The following NRXN1 variants were observed in gnomAD, a reference collection of about 807,000 sequenced individuals.
NRXN1 encodes neurexin-1.
A neutral mutation model predicts 150.9 loss-of-function variants in NRXN1; 39 were observed. The ratio of observed to expected loss-of-function variants is 0.26; its 90% CI spans 0.20 to 0.34. The LOEUF is 0.34. Ranked by LOEUF, NRXN1 falls within the 10% of genes least tolerant of loss-of-function variation. The probability of loss-of-function intolerance (pLI) is 1.00; values close to 1 mark genes in which losing one functional copy is unlikely to be tolerated. For synonymous variants in NRXN1, 924 were observed against 757.0 expected (o/e 1.22, Z -3.62); for missense variants, 1,815 against 1,949.9 (o/e 0.93, Z 1.30).
At chr2:50,632,888 G>A (rs1233083231) in intron 5 of NRXN1, 1 of 151,984 alleles carries the variant, frequency 6.6e-6, no homozygotes, top group African/African-American at 2.4e-5. Flanking sequence ...ATGTACTCCA[G>A]CAGAGAGTCC....
intron 5 of NRXN1, among the ~76,000 whole-genome samples, chr2:50,772,966 A>T (rs1003640118): frequency 1.3e-5 from 2 of 152,176 alleles, no homozygotes. Flanking sequence ...AAAGAGCAGT[A>T]AAATTACTTG....
At chr2:50,706,024 C>G (rs1047804637) in intron 5 of NRXN1, among the ~76,000 whole-genome samples, 4 of 152,128 alleles carry the variant, frequency 2.6e-5, no homozygotes, top group Non-Finnish European at 5.9e-5. Flanking sequence ...ACTAGTAGAA[C>G]AGTGATTCAC....
chr2:50,085,652 GGTT>G (rs1456961198), intron 19 of NRXN1, among the ~76,000 whole-genome samples: 2 of 150,614 alleles, frequency 1.3e-5, no homozygotes, highest in East Asian at 2.0e-4. Context: ...AACAAAATAT[GGTT>G]ATTATAAGAT....
chr2:50,219,944 TATATATATA>T (rs1464986780), intron 18 of NRXN1, among the ~76,000 whole-genome samples: 1,114 of 51,626 alleles, frequency 0.022, 80 homozygotes, highest in African/African-American at 0.13. Flanking sequence ...TATTATATAT[TATATATATA>T]ATATATATAT....
intron 17 of NRXN1, among the ~76,000 whole-genome samples, chr2:50,329,187 A>G (rs1167882350): frequency 6.6e-6 from 1 of 152,224 alleles, no homozygotes; most frequent in African/African-American, 2.4e-5. Context: ...AAGGGCTAAC[A>G]ACATCAATAA....
intron 12 of NRXN1, among the ~76,000 whole-genome samples, chr2:50,524,543 C>T (rs868628863): frequency 9.9e-5 from 15 of 151,110 alleles, no homozygotes; most frequent in Middle Eastern, 3.4e-3. Flanking sequence ...ACGAAGTGTC[C>T]CTAAGCCTTC....
chr2:50,205,148 C>A (rs1223465852), intron 18 of NRXN1, among the ~76,000 whole-genome samples: 5 of 152,060 alleles, frequency 3.3e-5, no homozygotes, highest in Non-Finnish European at 7.4e-5. Flanking sequence ...CCCAGACATA[C>A]TGAAATTAAG....
At chr2:50,989,993 T>A (rs1000202615) in intron 2 of NRXN1, among the ~76,000 whole-genome samples, 6 of 143,398 alleles carry the variant, frequency 4.2e-5, no homozygotes, top group Non-Finnish European at 9.5e-5. Context: ...GATATTGTCA[T>A]TTTTTTAAAA....
At position 50,842,556 on chromosome 2, in the gene NRXN1, T is replaced by C. The variant is rs145059546; in HGVS notation, c.832+79313A>G. On this transcript the variant is annotated intron_variant, in intron 5 of 22. Transcript: ENST00000401669. ...AACAATGGCATTCAGGGTGTCAGCA[T>C]TGGAAATATCTGCTTTAGCGTCTAA... Among the ~76,000 whole-genome samples, 540 of 152,284 alleles carry C rather than the reference T, an allele frequency of 3.5e-3. 2 individuals carry two copies. The highest frequency in any genetic ancestry group is 0.012 in the African/African-American group (518 of 41,560).
chr2:50,271,018 T>G lies in NRXN1; in HGVS notation c.3365-34048A>C, dbSNP rs189341514. On this transcript the variant is annotated intron_variant, in intron 17 of 22. Transcript: ENST00000401669. ...CAAATACTCATGCCATTTATGGGTATGTATGCAATTATATGCACAACTGCA... is the reference window on the plus strand; with the variant it reads ...CAAATACTCATGCCATTTATGGGTAGGTATGCAATTATATGCACAACTGCA... Among the ~76,000 whole-genome samples, 787 of 152,284 alleles carry G rather than the reference T, an allele frequency of 5.2e-3. 2 individuals are homozygous for G. Among genetic ancestry groups the G allele is most frequent in the Non-Finnish European group, 7.5e-3 (510 of 68,018 alleles).
chr2:50,206,863 A>T (rs2062620573), intron 18 of NRXN1, among the ~76,000 whole-genome samples: 1 of 150,186 alleles, frequency 6.7e-6, no homozygotes, highest in African/African-American at 2.5e-5. Flanking sequence ...GTATATACAC[A>T]CACACACAGA....
intron 18 of NRXN1, among the ~76,000 whole-genome samples, chr2:50,139,648 T>A (rs1343606149): frequency 1.3e-5 from 2 of 152,118 alleles, no homozygotes; most frequent in Admixed American, 6.6e-5. Context: ...TGATCCAGTT[T>A]AATAACCTCA....
At chr2:50,392,487 C>T (rs2081784989) in intron 17 of NRXN1, among the ~76,000 whole-genome samples, 1 of 152,076 alleles carries the variant, frequency 6.6e-6, no homozygotes, top group African/African-American at 2.4e-5. Context: ...GTGCCTTAGA[C>T]TGCAATAGGT....
At chr2:50,052,656 T>C (rs1484284405) in intron 21 of NRXN1, among the ~76,000 whole-genome samples, 1 of 152,140 alleles carries the variant, frequency 6.6e-6, no homozygotes, top group Non-Finnish European at 1.5e-5. Context: ...TTAGAGTTAA[T>C]TGTAGGTGAG....
In NRXN1 at chr2:50,753,204, G is replaced by A. The variant is rs564757281; in HGVS notation, c.833-129589C>T. On this transcript the variant is annotated intron_variant, in intron 5 of 22. Coordinates refer to ENST00000401669, the MANE Select transcript of NRXN1 (RefSeq NM_001330078.2). ...ACCTTTAATATTTGGAGAAAAAAAGGTTCTATTAGGGTTTTCAATATGGTT... is the reference window on the plus strand; with the variant it reads ...ACCTTTAATATTTGGAGAAAAAAAGATTCTATTAGGGTTTTCAATATGGTT... Among the ~76,000 whole-genome samples the A allele has an allele frequency of 2.0e-5, 3 of 151,890 alleles. No individual in the cohort carries two copies. In the East Asian group the frequency reaches 5.8e-4, roughly 30 times the overall value.
In NRXN1 at chr2:50,646,680, T is replaced by C. The variant is rs188922296; in HGVS notation, c.833-23065A>G. On this transcript the variant is annotated intron_variant, in intron 5 of 22. Coordinates refer to ENST00000401669, the MANE Select transcript of NRXN1 (RefSeq NM_001330078.2). ...TTTATGATTCCTCAAACGGTGTAAT[T>C]TTTCCTGCCTCTGTACTTTCATGTT... Among the ~76,000 whole-genome samples, 117 of 151,692 alleles carry C rather than the reference T, an allele frequency of 7.7e-4. 1 individual carries two copies. The East Asian group carries it at 0.022, about 28-fold the overall frequency.
intron 17 of NRXN1, among the ~76,000 whole-genome samples, chr2:50,427,523 A>G (rs950721330): frequency 1.3e-5 from 2 of 152,162 alleles, no homozygotes; most frequent in African/African-American, 2.4e-5. Flanking sequence ...GATTTCCCTA[A>G]CTGGAAGTGT....
intron 17 of NRXN1, among the ~76,000 whole-genome samples, chr2:50,305,961 T>C (rs945321011): frequency 6.6e-6 from 1 of 152,206 alleles, no homozygotes; most frequent in South Asian, 2.1e-4. Context: ...TTGGCTGAAT[T>C]GGCCCCCACC....
intron 12 of NRXN1, 43 bp downstream of exon 12, chr2:50,528,582 T>C (rs1573413161): frequency 3.5e-6 from 4 of 1,143,182 alleles, no homozygotes; most frequent in East Asian, 2.4e-5. Context: ...GCTTACATCA[T>C]AATGGAGGAA....
Sources: gnomAD v4.1 joint callset for allele counts (sites outside exome capture counted in the v4.1 genomes callset) on GRCh38, gnomAD v4.1.1 for gene constraint, MANE v1.5 for transcripts, NCBI Gene and HGNC (gene_info 2026-07-23, HGNC 2026-07-21) for gene names.